NRXN1: variants seen among roughly 807,000 people sequenced by gnomAD.
NRXN1 encodes the protein neurexin 1, also known as neurexin-1.
In NRXN1, 39 loss-of-function variants were observed where a neutral mutation model predicts 150.9. The ratio of observed to expected loss-of-function variants is 0.26; its 90% CI spans 0.20 to 0.34. The LOEUF is 0.34. Ranked by LOEUF, NRXN1 falls within the 10% of genes least tolerant of loss-of-function variation. The pLI is 1.00. For missense variants in NRXN1, 1,815 were observed against 1,949.9 expected (o/e 0.93, Z 1.30); for synonymous variants, 924 against 757.0 (o/e 1.22, Z -3.62).
intron 5 of NRXN1, among the ~76,000 whole-genome samples, chr2:50,818,929 A>G (rs1361811890): frequency 6.6e-6 from 1 of 152,144 alleles, no homozygotes; most frequent in Non-Finnish European, 1.5e-5. Context: ...TCAGTAATCA[A>G]GCAAGGAAAT....
chr2:50,564,106 A>C (rs1162525929), intron 8 of NRXN1, among the ~76,000 whole-genome samples: 3 of 152,242 alleles, frequency 2.0e-5, no homozygotes, highest in African/African-American at 7.2e-5. Flanking sequence ...TCTCAGGTTT[A>C]CATTCCTGCA....
At chr2:50,869,163 C>T (rs1037456515) in intron 5 of NRXN1, among the ~76,000 whole-genome samples, 2 of 151,542 alleles carry the variant, frequency 1.3e-5, no homozygotes, top group East Asian at 2.0e-4. Flanking sequence ...GGAAATAATT[C>T]TTTAAGTTCA....
intron 12 of NRXN1, among the ~76,000 whole-genome samples, chr2:50,521,965 C>G (rs1042041246): frequency 6.6e-6 from 1 of 152,084 alleles, no homozygotes; most frequent in Non-Finnish European, 1.5e-5. Context: ...ACTAGATTCT[C>G]TTTCTAGAAA....
At chr2:50,545,819 T>C (rs2093480536) in intron 9 of NRXN1, among the ~76,000 whole-genome samples, 1 of 152,192 alleles carries the variant, frequency 6.6e-6, no homozygotes, top group South Asian at 2.1e-4. Context: ...CTGTGGATAC[T>C]TGAGTTCCTG....
chr2:50,784,065 T>C (rs960916392), intron 5 of NRXN1, among the ~76,000 whole-genome samples: 13 of 152,110 alleles, frequency 8.5e-5, no homozygotes, highest in African/African-American at 2.9e-4. Flanking sequence ...CAGGTAATAT[T>C]GTGGTTTTGT....
chr2:50,687,455 A>AT (rs1691407707), intron 5 of NRXN1, among the ~76,000 whole-genome samples: 1 of 151,784 alleles, frequency 6.6e-6, no homozygotes, highest in Non-Finnish European at 1.5e-5. Flanking sequence ...ATGCTTTATC[A>AT]TTTTTTTCTC....
Position 49,922,240 on chromosome 2 carries a change from G to A in NRXN1, c.4228C>T (p.Arg1410Ter), listed in dbSNP as rs201234188. 6.2e-7 allele frequency: 1 copy of A among 1,613,396 alleles called. No individual in the cohort carries two copies. Among genetic ancestry groups the A allele is most frequent in the African/African-American group, 1.3e-5 (1 of 74,932 alleles). Residue 1410 changes from arginine (R) to a stop codon, truncating the protein, a stop_gained, in exon 23 of 23, where the codon CGA (arginine) becomes TGA (stop). Coordinates refer to ENST00000401669, the MANE Select transcript of NRXN1 (RefSeq NM_001330078.2). LOFTEE classifies it high-confidence loss of function. ...PSSGGLANPTRAGGREPYPGS... is the reference protein window; with the variant it reads ...PSSGGLANPT ...GGATACGGCTCTCTGCCGCCTGCTC[G>A]GGTTGGGTTGGCTATAGAAAAGAGG...
intron 5 of NRXN1, among the ~76,000 whole-genome samples, chr2:50,687,380 T>C (rs190080090): frequency 1.3e-5 from 2 of 152,190 alleles, no homozygotes; most frequent in Non-Finnish European, 2.9e-5. Context: ...TTTTTTCTCC[T>C]GATGATTCAG....
At chr2:50,680,669 T>C (rs1690249844) in intron 5 of NRXN1, among the ~76,000 whole-genome samples, 1 of 151,772 alleles carries the variant, frequency 6.6e-6, no homozygotes, top group Non-Finnish European at 1.5e-5. Flanking sequence ...ATTGTTTTAA[T>C]ATAGGATAGA....
intron 17 of NRXN1, among the ~76,000 whole-genome samples, chr2:50,436,622 G>T (rs1205345050): frequency 1.3e-5 from 2 of 152,034 alleles, no homozygotes; most frequent in Admixed American, 1.3e-4. Context: ...ACTTTCTTTT[G>T]AAAGTGTGAC....
At chr2:50,476,579 T>C (rs10187846) in intron 15 of NRXN1, among the ~76,000 whole-genome samples, 137,093 of 152,084 alleles carry the variant, frequency 0.9, 62,066 homozygotes, top group African/African-American at 0.95. Flanking sequence ...TCTGTAAGGA[T>C]GACACATCTA....
chr2:50,510,314 T>A (rs2092400994), intron 12 of NRXN1, among the ~76,000 whole-genome samples: 1 of 151,244 alleles, frequency 6.6e-6, no homozygotes, highest in African/African-American at 2.4e-5. Context: ...GGTGAAACCC[T>A]CTCTCTACTA....
intron 5 of NRXN1, among the ~76,000 whole-genome samples, chr2:50,858,072 A>C (rs1002841895): frequency 6.7e-6 from 1 of 149,388 alleles, no homozygotes; most frequent in Non-Finnish European, 1.5e-5. Flanking sequence ...GAAAAGGCTC[A>C]GCATGTTTTA....
chr2:49,965,208 C>T (rs1676740314), intron 21 of NRXN1, among the ~76,000 whole-genome samples: 1 of 151,250 alleles, frequency 6.6e-6, no homozygotes, highest in African/African-American at 2.4e-5. Flanking sequence ...TTCCTTGTGT[C>T]TAAGAAAAAA....
At chr2:50,433,778 G>T (rs2085181080) in intron 17 of NRXN1, among the ~76,000 whole-genome samples, 1 of 151,806 alleles carries the variant, frequency 6.6e-6, no homozygotes, top group Non-Finnish European at 1.5e-5. Flanking sequence ...GAGGGGAAAG[G>T]AAAGAAAGGA....
intron 18 of NRXN1, among the ~76,000 whole-genome samples, chr2:50,099,085 G>A (rs866928714): frequency 1.8e-4 from 27 of 151,948 alleles, no homozygotes; most frequent in Non-Finnish European, 1.2e-4. Context: ...CTCCTTCAAT[G>A]AGACTATATT....
chr2:50,324,358 G>A (rs1223393508), intron 17 of NRXN1, among the ~76,000 whole-genome samples: 2 of 152,128 alleles, frequency 1.3e-5, no homozygotes, highest in Non-Finnish European at 1.5e-5. Context: ...AAATGAAGAT[G>A]CCACTTAAAA....
intron 5 of NRXN1, among the ~76,000 whole-genome samples, chr2:50,780,873 T>G (rs1291503385): frequency 1.3e-5 from 2 of 152,192 alleles, no homozygotes; most frequent in Admixed American, 1.3e-4. Flanking sequence ...TATCTTTCTC[T>G]TAATTAATTG....
chr2:50,231,053 T>C (rs939486988), intron 18 of NRXN1, among the ~76,000 whole-genome samples: 2 of 151,848 alleles, frequency 1.3e-5, no homozygotes, highest in Non-Finnish European at 2.9e-5. Context: ...GATACGGCAA[T>C]AGAAAAAATA....
Sources: gnomAD v4.1 joint callset for allele counts (sites outside exome capture counted in the v4.1 genomes callset) on GRCh38, gnomAD v4.1.1 for gene constraint, MANE v1.5 for transcripts, NCBI Gene and HGNC (gene_info 2026-07-23, HGNC 2026-07-21) for gene names.